Variants in NHERF4 observed in about 807,000 individuals in gnomAD.
NHERF4 encodes NHERF family PDZ scaffold protein 4.
the NHERF4 span, chr11:119,187,840 C>A: frequency 6.8e-7 from 1 of 1,464,440 alleles, no homozygotes; most frequent in Non-Finnish European, 9.0e-7. Context: ...ACAGTTTGTG[C>A]CAGGCTCCAC....
the NHERF4 span, chr11:119,185,624 G>A: frequency 1.9e-6 from 2 of 1,040,648 alleles, no homozygotes; most frequent in Non-Finnish European, 3.0e-6. Context: ...GGAGCCCTGA[G>A]GCAGGTAAAC....
the NHERF4 span, chr11:119,189,539 A>G: frequency 3.7e-6 from 6 of 1,600,710 alleles, no homozygotes; most frequent in Non-Finnish European, 5.1e-6. The surrounding 1 kb of genome is among the most constrained non-coding windows in gnomAD (Gnocchi z 5.8). Flanking sequence ...CCGTGTCTTC[A>G]CTCTCCAGCC....
At chr11:119,186,933 G>C in the NHERF4 span, among the ~76,000 whole-genome samples, 1 of 152,048 alleles carries the variant, frequency 6.6e-6, no homozygotes, top group Non-Finnish European at 1.5e-5. The surrounding 1 kb of genome is among the most constrained non-coding windows in gnomAD (Gnocchi z 4.4). Flanking sequence ...AAGGTCAGGA[G>C]TTCAAGACCA....
At chr11:119,188,977 C>G in the NHERF4 span, 2 of 1,613,808 alleles carry the variant, frequency 1.2e-6, no homozygotes, top group South Asian at 2.2e-5. Context: ...CCCGGTGTCC[C>G]CTGTTCTGCA....
the NHERF4 span, chr11:119,186,189 CCATT>C: frequency 1.9e-6 from 3 of 1,614,092 alleles, no homozygotes; most frequent in African/African-American, 4.0e-5. The surrounding 1 kb of genome is among the most constrained non-coding windows in gnomAD (Gnocchi z 4.4). Context: ...CCCCTGGCAA[CCATT>C]CCCTATCCCT....
the NHERF4 span, chr11:119,190,212 G>T: frequency 8.1e-7 from 1 of 1,228,640 alleles, no homozygotes; most frequent in Non-Finnish European, 1.1e-6. The surrounding 1 kb of genome is among the most constrained non-coding windows in gnomAD (Gnocchi z 4.2). Context: ...ATAAAAATAA[G>T]ATCCACTTCT....
At chr11:119,189,397 G>A in the NHERF4 span, 1 of 1,582,848 alleles carries the variant, frequency 6.3e-7, no homozygotes, top group Non-Finnish European at 8.7e-7. This position sits in a 1 kb window ranked among gnomAD's most constrained non-coding sequence, Gnocchi z 5.8. Context: ...GTGCAGGGCG[G>A]GGCAAGAAAA....
chr11:119,189,300 C>T, the NHERF4 span: 19 of 1,494,528 alleles, frequency 1.3e-5, no homozygotes, highest in Middle Eastern at 3.4e-4. The surrounding 1 kb of genome is among the most constrained non-coding windows in gnomAD (Gnocchi z 5.8). Context: ...AAGGTGAAGC[C>T]GTGTGGGGTA....
chr11:119,189,270 G>A, the NHERF4 span: 2 of 1,535,566 alleles, frequency 1.3e-6, no homozygotes, highest in Admixed American at 1.9e-5. The surrounding 1 kb of genome is among the most constrained non-coding windows in gnomAD (Gnocchi z 5.8). Context: ...TGAGAAAGAA[G>A]GGCAGAGTGG....
the NHERF4 span, chr11:119,189,265 A>C: frequency 1.3e-6 from 2 of 1,550,534 alleles, no homozygotes; most frequent in Non-Finnish European, 8.8e-7. This position sits in a 1 kb window ranked among gnomAD's most constrained non-coding sequence, Gnocchi z 5.8. Flanking sequence ...AGGAGTGAGA[A>C]AGAAGGGCAG....
At chr11:119,189,756 A>T in the NHERF4 span, 3 of 548,062 alleles carry the variant, frequency 5.5e-6, no homozygotes, top group Non-Finnish European at 9.9e-6. The surrounding 1 kb of genome is among the most constrained non-coding windows in gnomAD (Gnocchi z 5.8). Flanking sequence ...TGTCCCAAGG[A>T]TGAAGGTGTG....
chr11:119,188,253 C>G, the NHERF4 span: 6 of 1,569,846 alleles, frequency 3.8e-6, no homozygotes, highest in Admixed American at 1.1e-4. Flanking sequence ...TGAGCTCTGG[C>G]CCTGGGCCGC....
At chr11:119,188,465 G>A in the NHERF4 span, 2 of 1,612,342 alleles carry the variant, frequency 1.2e-6, no homozygotes, top group Non-Finnish European at 1.7e-6. Flanking sequence ...GCTGGGCCAT[G>A]AGGAGACAGT....
the NHERF4 span, chr11:119,188,415 G>C: frequency 1.2e-6 from 2 of 1,613,972 alleles, no homozygotes; most frequent in Non-Finnish European, 1.7e-6. Context: ...ATGCAGGCTG[G>C]GGACCGGCTG....
At chr11:119,189,847 T>G in the NHERF4 span, 1 of 368,366 alleles carries the variant, frequency 2.7e-6, no homozygotes, top group Non-Finnish European at 5.0e-6. The surrounding 1 kb of genome is among the most constrained non-coding windows in gnomAD (Gnocchi z 5.8). Context: ...ATGCAAAAAT[T>G]TGGAGACCAG....
At chr11:119,187,244 C>A in the NHERF4 span, 1 of 1,556,120 alleles carries the variant, frequency 6.4e-7, no homozygotes, top group South Asian at 1.2e-5. Flanking sequence ...CTAGACCAAA[C>A]CCACGCCCAC....
chr11:119,188,514 C>T, the NHERF4 span: 12 of 1,603,160 alleles, frequency 7.5e-6, no homozygotes, highest in South Asian at 4.5e-5. Flanking sequence ...GTCTCCCTCA[C>T]TGTCGTCGAC....
At chr11:119,188,554 G>A in the NHERF4 span, 3 of 1,599,654 alleles carry the variant, frequency 1.9e-6, no homozygotes, top group Non-Finnish European at 1.7e-6. Flanking sequence ...TCAGCATGGT[G>A]CGTGCTGAGG....
chr11:119,189,210 G>C, the NHERF4 span: 18 of 1,602,872 alleles, frequency 1.1e-5, no homozygotes, highest in Non-Finnish European at 1.4e-5. The surrounding 1 kb of genome is among the most constrained non-coding windows in gnomAD (Gnocchi z 5.8). Context: ...GCAGAGGTGA[G>C]GAAGAAGAAA....
Sources: allele counts gnomAD v4.1 joint callset (sites outside exome capture counted in the v4.1 genomes callset), GRCh38; gene constraint gnomAD v4.1.1; non-coding constraint Gnocchi (gnomAD v3.1); transcripts MANE v1.5; gene names NCBI Gene and HGNC (gene_info 2026-07-23, HGNC 2026-07-21).